LRRC37A2: variants seen among roughly 807,000 people sequenced by gnomAD.
The protein encoded by LRRC37A2 is leucine-rich repeat-containing protein 37A2.
A neutral mutation model predicts 68.8 loss-of-function variants in LRRC37A2; 9 were observed. That is an observed-to-expected ratio of 0.13 (90% confidence interval 0.08 to 0.23). LRRC37A2 has a LOEUF of 0.23. Ranked by LOEUF, LRRC37A2 falls within the 10% of genes least tolerant of loss-of-function variation. The pLI is 1.00. For missense variants in LRRC37A2, 168 were observed against 950.4 expected (o/e 0.18, Z 10.82); for synonymous variants, 63 against 367.6 (o/e 0.17, Z 9.48).
At chr17:46,542,351 A>C (rs1376994180) in intron 8 of LRRC37A2, among the ~76,000 whole-genome samples, 1 of 149,086 alleles carries the variant, frequency 6.7e-6, no homozygotes, top group African/African-American at 2.6e-5. Flanking sequence ...GTTAATTTGC[A>C]TATGTGATGT....
chr17:46,769,975 G>A, the LRRC37A2 span: 5 of 1,611,098 alleles, frequency 3.1e-6, no homozygotes, highest in Admixed American at 3.4e-5. Context: ...AGGTGCCCTC[G>A]GCGCAGGAGC....
chr17:46,837,740 T>C, the LRRC37A2 span, among the ~76,000 whole-genome samples: 2 of 152,096 alleles, frequency 1.3e-5, no homozygotes, highest in Non-Finnish European at 1.5e-5. Context: ...GTCAGTGGGA[T>C]TTAGTTTCCC....
At chr17:46,774,671 C>G in the LRRC37A2 span, among the ~76,000 whole-genome samples, 4 of 152,340 alleles carry the variant, frequency 2.6e-5, no homozygotes, top group South Asian at 2.1e-4. Flanking sequence ...TCCTCTGCCC[C>G]TCGCTTTGTA....
At chr17:46,946,592 G>T in the LRRC37A2 span, among the ~76,000 whole-genome samples, 1 of 152,070 alleles carries the variant, frequency 6.6e-6, no homozygotes, top group East Asian at 1.9e-4. Flanking sequence ...GCCAGGCATG[G>T]TGGCTCCCAC....
chr17:46,804,239 C>T, the LRRC37A2 span, among the ~76,000 whole-genome samples: 2 of 152,178 alleles, frequency 1.3e-5, no homozygotes. Context: ...AGGTGCGTGC[C>T]ACCACACCCG....
the LRRC37A2 span, among the ~76,000 whole-genome samples, chr17:46,995,878 A>G: frequency 7.2e-5 from 11 of 152,276 alleles, no homozygotes; most frequent in South Asian, 2.1e-3. Flanking sequence ...TGCCCAGTGT[A>G]AGGAGGAGGG....
chr17:47,008,353 C>T, the LRRC37A2 span, among the ~76,000 whole-genome samples: 7 of 152,066 alleles, frequency 4.6e-5, no homozygotes, highest in East Asian at 9.7e-4. Flanking sequence ...CCTCGTGATC[C>T]GCCCGGCTTG....
the LRRC37A2 span, among the ~76,000 whole-genome samples, chr17:47,001,792 G>A: frequency 2.0e-5 from 3 of 147,954 alleles, no homozygotes; most frequent in African/African-American, 2.5e-5. Flanking sequence ...TGAGATCTCG[G>A]CTCACTGCAA....
At chr17:47,045,081 C>T in the LRRC37A2 span, among the ~76,000 whole-genome samples, 1 of 133,370 alleles carries the variant, frequency 7.5e-6, no homozygotes, top group East Asian at 2.2e-4. Flanking sequence ...GGTTACGGTT[C>T]CGGGTCCATT....
At chr17:46,730,229 TTATG>T in the LRRC37A2 span, among the ~76,000 whole-genome samples, 1 of 152,298 alleles carries the variant, frequency 6.6e-6, no homozygotes, top group South Asian at 2.1e-4. Context: ...CAAAAAAACT[TTATG>T]TCAGCATATT....
the LRRC37A2 span, among the ~76,000 whole-genome samples, chr17:46,751,001 A>G: frequency 6.6e-6 from 1 of 152,140 alleles, no homozygotes; most frequent in Non-Finnish European, 1.5e-5. Flanking sequence ...GGTGAGCTCT[A>G]TTGGAAAATA....
chr17:46,811,242 G>A, the LRRC37A2 span, among the ~76,000 whole-genome samples: 6 of 101,158 alleles, frequency 5.9e-5, no homozygotes, highest in East Asian at 1.9e-4. Flanking sequence ...GGAACTAAGC[G>A]GCCTTAGGTG....
At chr17:46,545,881 G>A (rs2056237169) in intron 8 of LRRC37A2, among the ~76,000 whole-genome samples, 1 of 150,260 alleles carries the variant, frequency 6.7e-6, no homozygotes, top group South Asian at 2.1e-4. Context: ...ACTCCCAACA[G>A]GAATTGAGAA....
the LRRC37A2 span, among the ~76,000 whole-genome samples, chr17:46,811,261 C>T: frequency 4.0e-5 from 6 of 151,460 alleles, 2 homozygotes; most frequent in South Asian, 2.1e-4. Context: ...TGTCATCGGG[C>T]GGGTTGTTGC....
chr17:47,032,711 C>T, the LRRC37A2 span, among the ~76,000 whole-genome samples: 2 of 151,866 alleles, frequency 1.3e-5, no homozygotes, highest in African/African-American at 4.8e-5. Context: ...TTGCTAGGCA[C>T]TAGACACGTG....
chr17:47,024,488 TG>T, the LRRC37A2 span, among the ~76,000 whole-genome samples: 1 of 152,204 alleles, frequency 6.6e-6, no homozygotes, highest in East Asian at 1.9e-4. Context: ...TGTGTGTGTG[TG>T]TTTGTGGTGG....
At chr17:46,759,033 C>T in the LRRC37A2 span, among the ~76,000 whole-genome samples, 1 of 152,194 alleles carries the variant, frequency 6.6e-6, no homozygotes, top group Admixed American at 6.5e-5. Flanking sequence ...GGTGAAACAC[C>T]GTCTCTACTA....
chr17:46,864,607 G>A, the LRRC37A2 span, among the ~76,000 whole-genome samples: 1 of 152,162 alleles, frequency 6.6e-6, no homozygotes, highest in South Asian at 2.1e-4. Context: ...GTCCTGACCA[G>A]GTTTCCTTCC....
the LRRC37A2 span, chr17:46,773,635 G>GGC: frequency 9.2e-6 from 2 of 218,074 alleles, no homozygotes; most frequent in Admixed American, 8.2e-5. Context: ...CCCCCACCCA[G>GGC]CCCCTCCCCC....
Sources: gnomAD v4.1 joint callset for allele counts (sites outside exome capture counted in the v4.1 genomes callset) on GRCh38, gnomAD v4.1.1 for gene constraint, MANE v1.5 for transcripts, NCBI Gene and HGNC (gene_info 2026-07-23, HGNC 2026-07-21) for gene names.